Variants in FBXL17 observed in about 807,000 individuals in gnomAD.
The protein encoded by FBXL17 is F-box/LRR-repeat protein 17.
In FBXL17, 22 loss-of-function variants were observed where a neutral mutation model predicts 66.2. That is an observed-to-expected ratio of 0.33 (90% CI 0.24 to 0.47). The LOEUF (loss-of-function observed/expected upper bound fraction) is 0.47. Among genes scored for constraint, FBXL17 ranks in the 20% least tolerant of loss-of-function variants. FBXL17 has a pLI of 1.00. For synonymous variants in FBXL17, 474 were observed against 400.5 expected, an observed-to-expected ratio of 1.18 and a Z score of -2.19; for missense variants, 878 against 948.2, an observed-to-expected ratio of 0.93 and a Z score of 0.97.
At position 107,911,063 on chromosome 5, in the gene FBXL17, T is replaced by A. The variant is rs559518010; in HGVS notation, c.1823-29884A>T. Among the ~76,000 whole-genome samples, 67 of 152,198 alleles carry A rather than the reference T, an allele frequency of 4.4e-4. 1 individual carries two copies. The highest frequency in any genetic ancestry group is 1.5e-3 in the African/African-American group (64 of 41,564). On this transcript the variant is annotated intron_variant, in intron 7 of 8. Transcript: ENST00000542267. ...AAAGTTTAAGAAATTGATCATAAAT[T>A]AATATGAAAGAATATTATGTGAGAA...
intron 6 of FBXL17, among the ~76,000 whole-genome samples, chr5:108,056,212 T>C (rs887391083): frequency 6.6e-6 from 1 of 152,184 alleles, no homozygotes; most frequent in African/African-American, 2.4e-5. Flanking sequence ...GGTCCTTTAG[T>C]TGCCTTGTGG....
intron 5 of FBXL17, among the ~76,000 whole-genome samples, chr5:108,222,929 C>T (rs1435825880): frequency 6.6e-6 from 1 of 152,080 alleles, no homozygotes; most frequent in Non-Finnish European, 1.5e-5. Context: ...CTGCCTCGGC[C>T]TCCCAAAGTG....
chr5:108,056,669 T>C (rs1747721271), intron 6 of FBXL17, among the ~76,000 whole-genome samples: 1 of 152,214 alleles, frequency 6.6e-6, no homozygotes, highest in African/African-American at 2.4e-5. Context: ...GAAGTTCATA[T>C]ACTCTATGAT....
chr5:108,067,911 A>G (rs1267442869), intron 6 of FBXL17, among the ~76,000 whole-genome samples: 2 of 152,238 alleles, frequency 1.3e-5, no homozygotes, highest in Non-Finnish European at 2.9e-5. Context: ...TCATTCTGAA[A>G]TACATTTTAT....
At chr5:108,271,319 TCCC>T (rs1757258337) in intron 4 of FBXL17, among the ~76,000 whole-genome samples, 1 of 151,974 alleles carries the variant, frequency 6.6e-6, no homozygotes, top group South Asian at 2.1e-4. Context: ...CTTCTTATCC[TCCC>T]CCAACTCTCA....
intron 4 of FBXL17, chr5:108,299,662 A>T: frequency 1.0e-6 from 1 of 982,806 alleles, no homozygotes; most frequent in Non-Finnish European, 1.2e-6. Flanking sequence ...ATTAAAAAAA[A>T]AAAAGGCCAG....
chr5:107,886,061 A>G (rs1474703477), intron 7 of FBXL17, among the ~76,000 whole-genome samples: 1 of 152,216 alleles, frequency 6.6e-6, no homozygotes, highest in Non-Finnish European at 1.5e-5. Context: ...GATAGGAATT[A>G]AAAATGAATT....
intron 4 of FBXL17, among the ~76,000 whole-genome samples, chr5:108,289,319 A>G (rs879646412): frequency 6.6e-6 from 1 of 152,200 alleles, no homozygotes; most frequent in Non-Finnish European, 1.5e-5. Flanking sequence ...TAAAATGTTA[A>G]GACGTTCCTT....
In FBXL17 at chr5:107,889,772, G is replaced by A. The variant is rs78652607; in HGVS notation, c.1823-8593C>T. On this transcript the variant is annotated intron_variant, in intron 7 of 8. Coordinates refer to ENST00000542267, the MANE Select transcript of FBXL17 (RefSeq NM_001163315.3). The stretch of plus-strand genomic sequence containing the variant: ...ACAAATGTCTTAAGCAGCAGCAGCA[G>A]CGAGGATAAGCATTTATCCCTTGCC... Among the ~76,000 whole-genome samples, 95 of 152,316 alleles carry A rather than the reference G, an allele frequency of 6.2e-4. 1 individual carries two copies. In the East Asian group the frequency reaches 0.01, roughly 16 times the overall value.
intron 6 of FBXL17, among the ~76,000 whole-genome samples, chr5:108,083,797 C>CA (rs532607171): frequency 2.0e-5 from 3 of 151,730 alleles, no homozygotes; most frequent in Admixed American, 2.0e-4. Context: ...TAAACATGAC[C>CA]AAAAAAACAT....
At chr5:108,014,242 TGAG>T (rs1754295089) in intron 7 of FBXL17, among the ~76,000 whole-genome samples, 1 of 152,018 alleles carries the variant, frequency 6.6e-6, no homozygotes, top group Non-Finnish European at 1.5e-5. Context: ...TAACAGGAAT[TGAG>T]GAAAGAAAAG....
chr5:108,148,484 A>G (rs1266080089), intron 6 of FBXL17, among the ~76,000 whole-genome samples: 1 of 152,220 alleles, frequency 6.6e-6, no homozygotes, highest in Non-Finnish European at 1.5e-5. Context: ...TGCCTGGTTC[A>G]TGAATCACTG....
intron 6 of FBXL17, among the ~76,000 whole-genome samples, chr5:108,043,463 A>G (rs1207877511): frequency 2.6e-5 from 4 of 152,108 alleles, no homozygotes; most frequent in Admixed American, 2.6e-4. Context: ...CAATTTTTCC[A>G]GCACCATTTA....
chr5:108,206,336 T>C (rs1394598171), intron 5 of FBXL17, among the ~76,000 whole-genome samples: 4 of 152,172 alleles, frequency 2.6e-5, no homozygotes, highest in Non-Finnish European at 4.4e-5. Context: ...CTTATTAAGT[T>C]CCAAAGATGA....
intron 6 of FBXL17, among the ~76,000 whole-genome samples, chr5:108,101,802 C>A (rs898318878): frequency 2.6e-5 from 4 of 152,116 alleles, no homozygotes; most frequent in Non-Finnish European, 4.4e-5. Flanking sequence ...TTTTAACTAA[C>A]AAAAATGTTT....
At chr5:108,201,617 G>A (rs1753897800) in intron 5 of FBXL17, among the ~76,000 whole-genome samples, 1 of 151,776 alleles carries the variant, frequency 6.6e-6, no homozygotes, top group Non-Finnish European at 1.5e-5. Flanking sequence ...AATGAGATAT[G>A]CTTATTTTTT....
chr5:108,319,139 A>T (rs1759503622), intron 4 of FBXL17, among the ~76,000 whole-genome samples: 1 of 151,924 alleles, frequency 6.6e-6, no homozygotes, highest in Non-Finnish European at 1.5e-5. Context: ...ATTCCACTTA[A>T]ACTTATTTAT....
intron 7 of FBXL17, among the ~76,000 whole-genome samples, chr5:107,953,212 C>G (rs1271595845): frequency 6.6e-6 from 1 of 151,928 alleles, no homozygotes; most frequent in Non-Finnish European, 1.5e-5. Flanking sequence ...ACCATCCTGG[C>G]TAACACGGTG....
chr5:108,332,262 T>G (rs551459211), intron 4 of FBXL17, among the ~76,000 whole-genome samples: 5 of 152,328 alleles, frequency 3.3e-5, no homozygotes, highest in African/African-American at 1.2e-4. Context: ...TAAATTAACT[T>G]TTATAATGAA....
Sources: allele counts gnomAD v4.1 joint callset (sites outside exome capture counted in the v4.1 genomes callset), GRCh38; gene constraint gnomAD v4.1.1; transcripts MANE v1.5; gene names NCBI Gene and HGNC (gene_info 2026-07-23, HGNC 2026-07-21).